The following ZNF623 variants were observed in gnomAD, a reference collection of about 807,000 sequenced individuals.
ZNF623 encodes the protein zinc finger protein 623.
A neutral mutation model predicts 24.0 loss-of-function variants in ZNF623; 16 were observed. The observed-to-expected ratio is 0.67, with a 90% confidence interval of 0.45 to 1.01. The LOEUF (loss-of-function observed/expected upper bound fraction) is 1.01. Ranked by LOEUF, ZNF623 falls within the 50% of genes least tolerant of loss-of-function variation. ZNF623 has a pLI of 0.00. For synonymous variants in ZNF623, 224 were observed against 219.8 expected (o/e 1.02, Z -0.17); for missense variants, 566 against 606.5 (o/e 0.93, Z 0.70).
chr8:143,643,032 C>T (rs1419881526), intron 1 of ZNF623, among the ~76,000 whole-genome samples: 2 of 152,206 alleles, frequency 1.3e-5, no homozygotes, highest in Non-Finnish European at 2.9e-5. Flanking sequence ...GACCTAATCA[C>T]ACAGACCCTG....
intron 1 of ZNF623, among the ~76,000 whole-genome samples, chr8:143,638,819 C>G (rs1587322889): frequency 1.3e-5 from 2 of 152,020 alleles, no homozygotes; most frequent in East Asian, 3.9e-4. Context: ...GTATAACAGC[C>G]ATTTTAAAAT....
chr8:143,642,960 C>CT (rs1054311610), intron 1 of ZNF623, among the ~76,000 whole-genome samples: 26 of 152,272 alleles, frequency 1.7e-4, no homozygotes, highest in African/African-American at 6.3e-4. Context: ...CATGAAGAGA[C>CT]TTGCAGATGT....
rs561686899 is a variant in ZNF623, at chr8:143,652,221, A to G, written c.*738A>G. ...CTCTCCACACTTCTGTGGCTCAGTG[A>G]TTACTGCTATTACTATATTTACTTG... On this transcript the variant is annotated 3_prime_UTR_variant, in exon 2 of 2. Coordinates refer to ENST00000526926, the MANE Select transcript of ZNF623 (RefSeq NM_001261843.2). 6.6e-5 allele frequency: 11 copies of G among 167,216 alleles called. No individual in the cohort carries two copies. Among genetic ancestry groups the G allele is most frequent in the African/African-American group, 2.2e-4 (9 of 41,572 alleles). 10.4% of individuals were successfully genotyped at this position (167,216 alleles called of 1,614,324 possible).
chr8:143,637,929 A>G (rs1212446142), intron 1 of ZNF623, among the ~76,000 whole-genome samples: 1 of 152,204 alleles, frequency 6.6e-6, no homozygotes, highest in Non-Finnish European at 1.5e-5. Context: ...TGGAGCCACA[A>G]GTCAGGTGGC....
At chr8:143,641,037 A>T (rs923153324) in intron 1 of ZNF623, among the ~76,000 whole-genome samples, 2 of 150,054 alleles carry the variant, frequency 1.3e-5, no homozygotes, top group African/African-American at 4.9e-5. Context: ...TTTAGGCTAC[A>T]CTTCTAAATC....
rs750460515 is a variant in ZNF623 at position 143,651,078 on chromosome 8, G to A, written c.1086G>A (p.Val362=). The change falls in exon 2 of 2, where the codon GTG becomes GTA. Residue 362 remains valine (V), a synonymous_variant. Coordinates refer to ENST00000526926, the MANE Select transcript of ZNF623 (RefSeq NM_001261843.2). ...RHQKIHTGER[V]YECKECGKAF... The stretch of plus-strand genomic sequence containing the variant: ...AGAAAATCCACACTGGAGAGAGAGT[G>A]TATGAATGTAAGGAATGTGGGAAAG... 5.7e-5 allele frequency: 92 copies of A among 1,614,036 alleles called. No individual in the cohort carries two copies. In the East Asian group the frequency reaches 1.8e-3, roughly 32 times the overall value.
chr8:143,651,518 G>T lies in ZNF623; in HGVS notation c.*35G>T, dbSNP rs752159349. 1 of 1,526,164 alleles carries T rather than the reference G, an allele frequency of 6.6e-7. No homozygotes were observed. The highest frequency in any genetic ancestry group is 8.8e-7 in the Non-Finnish European group (1 of 1,139,686). The allele number at this position is 1,526,164 out of a possible 1,614,324, so 94.5% of individuals were successfully genotyped here. On this transcript the variant is annotated 3_prime_UTR_variant, in exon 2 of 2. Coordinates refer to ENST00000526926, the MANE Select transcript of ZNF623 (RefSeq NM_001261843.2). ...TTTCCCGCCCAGTGAGTGATGTTTG[G>T]AAATGCGTGGAATTAGGATTCATGT...
intron 1 of ZNF623, among the ~76,000 whole-genome samples, chr8:143,647,885 G>T (rs189384378): frequency 6.6e-6 from 1 of 152,216 alleles, no homozygotes; most frequent in African/African-American, 2.4e-5. Flanking sequence ...GGCGTCTGGC[G>T]CTGGGCATGG....
At chr8:143,646,539 G>A (rs918167148) in intron 1 of ZNF623, among the ~76,000 whole-genome samples, 1 of 108,662 alleles carries the variant, frequency 9.2e-6, no homozygotes, top group Non-Finnish European at 1.6e-5. Context: ...TGCCTGTGGG[G>A]TGTGTGCGTG....
In ZNF623 at chr8:143,651,495, TC is replaced by T. The variant is rs1437730832; in HGVS notation, c.*15del. 2 of 1,541,102 alleles carry T rather than the reference TC, an allele frequency of 1.3e-6. No individual in the cohort carries two copies. The highest frequency in any genetic ancestry group is 2.8e-5 in the African/African-American group (2 of 72,280). Reference sequence around the variant, plus strand: ...CAGGTAACTTATAAAATAATTACTTTCCCGCCCAGTGAGTGATGTTTGGAAA... The same window carrying T: ...CAGGTAACTTATAAAATAATTACTTTCCGCCCAGTGAGTGATGTTTGGAAA... On this transcript the variant is annotated 3_prime_UTR_variant, in exon 2 of 2. Transcript: ENST00000526926.
chr8:143,651,218 A>C lies in ZNF623; in HGVS notation c.1226A>C (p.His409Pro). The change falls in exon 2 of 2, where the codon CAC becomes CCC. Residue 409 changes from histidine (H) to proline (P), a missense_variant. Physicochemically the swap from His to Pro is moderately conservative, Grantham distance 77. Coordinates refer to ENST00000526926, the MANE Select transcript of ZNF623 (RefSeq NM_001261843.2). ...ATCCAGAGCTCCAAGCTGCTTCTGCACCAGATTATTCACACTGGAGAAAAG... is the reference window on the plus strand; with the variant it reads ...ATCCAGAGCTCCAAGCTGCTTCTGCCCCAGATTATTCACACTGGAGAAAAG... The part of the protein sequence containing the change: ...AFIQSSKLLL[H>P]QIIHTGEKPY... 6.2e-7 allele frequency: 1 copy of C among 1,614,228 alleles called. No homozygotes were observed. The highest frequency in any genetic ancestry group is 1.1e-5 in the South Asian group (1 of 91,086).
At chr8:143,638,730 G>T (rs981846494) in intron 1 of ZNF623, among the ~76,000 whole-genome samples, 5 of 151,802 alleles carry the variant, frequency 3.3e-5, no homozygotes, top group African/African-American at 1.2e-4. Flanking sequence ...ACTCCAGCCT[G>T]GGCGACAGAG....
rs1398405040 is a variant in ZNF623, at chr8:143,653,453, C to T, written c.*1970C>T. The T allele has an allele frequency of 2.4e-5, 4 of 167,012 alleles. No individual in the cohort carries two copies. Among genetic ancestry groups the T allele is most frequent in the Non-Finnish European group, 1.5e-5 (1 of 68,114 alleles). 10.3% of individuals were successfully genotyped at this position (167,012 alleles called of 1,614,324 possible). A position where few individuals can be genotyped will look rare whatever the true frequency, so the allele number is the denominator to read the frequency against. ...GAGATTCAATTTTCATATAGTAAAA[C>T]GCCTATTTAAGTGTACAAGGTTTTG... On this transcript the variant is annotated 3_prime_UTR_variant, in exon 2 of 2. Coordinates refer to ENST00000526926, the MANE Select transcript of ZNF623 (RefSeq NM_001261843.2).
At position 143,641,275 on chromosome 8, in the gene ZNF623, G is replaced by A. The variant is rs116862587; in HGVS notation, c.-96+5130G>A. 5.0e-3 allele frequency among the ~76,000 whole-genome samples: 757 copies of A among 152,304 alleles called. 3 individuals are homozygous for A. The highest frequency in any genetic ancestry group is 8.6e-3 in the Non-Finnish European group (586 of 68,034). On this transcript the variant is annotated intron_variant, in intron 1 of 1. Transcript: ENST00000526926. ...CAGATCCATCAGAGGAATCATTATGGCACCTACAGCCTTGTGAAACATATT... is the reference window on the plus strand; with the variant it reads ...CAGATCCATCAGAGGAATCATTATGACACCTACAGCCTTGTGAAACATATT...
chr8:143,649,391 G>A (rs565612382), intron 1 of ZNF623, among the ~76,000 whole-genome samples: 2 of 152,270 alleles, frequency 1.3e-5, no homozygotes, highest in South Asian at 4.1e-4. Context: ...CATGGAGGGA[G>A]GAAAGGGCAG....
chr8:143,646,814 T>C (rs987047026), intron 1 of ZNF623, among the ~76,000 whole-genome samples: 1 of 152,072 alleles, frequency 6.6e-6, no homozygotes, highest in African/African-American at 2.4e-5. Flanking sequence ...ACAGGTGTGC[T>C]ACCTTGCCTG....
chr8:143,649,205 G>T (rs1236779044), intron 1 of ZNF623, among the ~76,000 whole-genome samples: 1 of 151,764 alleles, frequency 6.6e-6, no homozygotes, highest in Non-Finnish European at 1.5e-5. Context: ...GTGAACCCAG[G>T]AGGCAGAACT....
chr8:143,639,996 TAAAGGAA>T, intron 1 of ZNF623, among the ~76,000 whole-genome samples: 1 of 152,284 alleles, frequency 6.6e-6, no homozygotes, highest in South Asian at 2.1e-4. Flanking sequence ...TTCTAACACT[TAAAGGAA>T]GAAGGAAACA....
Position 143,651,652 on chromosome 8 carries a change from T to G in ZNF623, c.*169T>G. 1.4e-6 allele frequency: 1 copy of G among 718,384 alleles called. No homozygotes were observed. Among genetic ancestry groups the G allele is most frequent in the Non-Finnish European group, 2.3e-6 (1 of 437,146 alleles). 44.5% of individuals were successfully genotyped at this position (718,384 alleles called of 1,614,324 possible). On this transcript the variant is annotated 3_prime_UTR_variant, in exon 2 of 2. Transcript: ENST00000526926. The stretch of plus-strand genomic sequence containing the variant: ...GCCCTACTCGGCTCAGCCCTTCTCC[T>G]CAGCTGTGAGCACTGTCCTCAGGAG...
Sources: gnomAD v4.1 joint callset for allele counts (sites outside exome capture counted in the v4.1 genomes callset) on GRCh38, gnomAD v4.1.1 for gene constraint, MANE v1.5 for transcripts, NCBI Gene and HGNC (gene_info 2026-07-23, HGNC 2026-07-21) for gene names.